The following AKT3 variants were observed in gnomAD, a reference collection of about 807,000 sequenced individuals.
AKT3 encodes AKT serine/threonine kinase 3, also known as RAC-gamma serine/threonine-protein kinase.
AKT3 carries 15 observed loss-of-function variants against 65.3 expected under a neutral mutation model. That is an observed-to-expected ratio of 0.23 (90% CI 0.15 to 0.35). AKT3 has a LOEUF of 0.35. Among genes scored for constraint, AKT3 ranks in the 10% least tolerant of loss-of-function variants. The pLI, the probability that AKT3 is intolerant of heterozygous loss-of-function variation, is 1.00. For synonymous variants in AKT3, 206 were observed against 183.8 expected, an observed-to-expected ratio of 1.12 and a Z score of -0.98; for missense variants, 243 against 576.5, an observed-to-expected ratio of 0.42 and a Z score of 5.92.
intron 12 of AKT3, among the ~76,000 whole-genome samples, chr1:243,530,361 T>C (rs1671443137): frequency 6.6e-6 from 1 of 152,140 alleles, no homozygotes; most frequent in African/African-American, 2.4e-5. Context: ...AAATCAATAC[T>C]AAGAAACTCT....
At chr1:243,844,989 A>G (rs1358242437) in intron 1 of AKT3, among the ~76,000 whole-genome samples, 1 of 152,308 alleles carries the variant, frequency 6.6e-6, no homozygotes, top group Admixed American at 6.5e-5. Context: ...TAAATTTTAG[A>G]TAACTAGAAA....
intron 12 of AKT3, among the ~76,000 whole-genome samples, chr1:243,520,362 G>A (rs1670646023): frequency 1.3e-5 from 2 of 152,216 alleles, no homozygotes; most frequent in South Asian, 4.1e-4. Flanking sequence ...ACTTTCGCCA[G>A]AAATATGAGA....
intron 2 of AKT3, among the ~76,000 whole-genome samples, chr1:243,828,692 G>A (rs1309530373): frequency 6.6e-6 from 1 of 152,098 alleles, no homozygotes; most frequent in Non-Finnish European, 1.5e-5. Flanking sequence ...TATAAAATGT[G>A]TGTTAATGGA....
In AKT3 at chr1:243,499,820, AAG is replaced by A. The variant is rs1370704204; in HGVS notation, c.*5427_*5428del. On this transcript the variant is annotated 3_prime_UTR_variant, in exon 14 of 14. Transcript: ENST00000673466. ...AACAGAGTGAAATAAATGATTTACA[AAG>A]AGATATTTACATTCATCTGGTTTAG... is the stretch of plus-strand genomic sequence containing the variant. 7 of 1,602,276 alleles carry A rather than the reference AAG, an allele frequency of 4.4e-6. No individual in the cohort carries two copies. The highest frequency in any genetic ancestry group is 4.5e-5 in the East Asian group (2 of 44,840).
upstream of AKT3, among the ~76,000 whole-genome samples, chr1:243,850,438 G>C (rs1343466779): frequency 6.6e-6 from 1 of 151,120 alleles, no homozygotes. Flanking sequence ...GCGGGGGCCG[G>C]GTCACGCCGG....
At chr1:243,758,603 T>C (rs928540657) in intron 2 of AKT3, among the ~76,000 whole-genome samples, 10 of 152,112 alleles carry the variant, frequency 6.6e-5, no homozygotes, top group African/African-American at 2.4e-4. Context: ...TCCATAGACC[T>C]TGGAAGAGGT....
intron 2 of AKT3, among the ~76,000 whole-genome samples, chr1:243,839,321 C>T (rs1342669421): frequency 6.6e-6 from 1 of 152,106 alleles, no homozygotes; most frequent in African/African-American, 2.4e-5. Context: ...CTAGAACATA[C>T]CTACAGGCTC....
intron 2 of AKT3, among the ~76,000 whole-genome samples, chr1:243,776,184 C>T (rs936684696): frequency 4.6e-5 from 7 of 152,138 alleles, no homozygotes; most frequent in Non-Finnish European, 4.4e-5. Context: ...AATTTTTCTC[C>T]ACTAGCCCAT....
chr1:243,711,569 T>C (rs1180854665), intron 2 of AKT3, among the ~76,000 whole-genome samples: 8 of 152,182 alleles, frequency 5.3e-5, no homozygotes, highest in Non-Finnish European at 1.2e-4. Flanking sequence ...TATTCTATGA[T>C]AGTCAGAGCA....
intron 2 of AKT3, among the ~76,000 whole-genome samples, chr1:243,730,969 C>T (rs2148144270): frequency 6.6e-6 from 1 of 152,282 alleles, no homozygotes. Flanking sequence ...GTGCTCTGAG[C>T]CTGGTTTGCC....
intron 8 of AKT3, among the ~76,000 whole-genome samples, chr1:243,581,105 C>T (rs1378926601): frequency 6.6e-6 from 1 of 152,152 alleles, no homozygotes; most frequent in Non-Finnish European, 1.5e-5. Flanking sequence ...GAGGAGGTTT[C>T]CCAGCTACAC....
At chr1:243,535,773 C>T (rs1444865387) in intron 12 of AKT3, among the ~76,000 whole-genome samples, 1 of 152,164 alleles carries the variant, frequency 6.6e-6, no homozygotes, top group Non-Finnish European at 1.5e-5. Flanking sequence ...GGTACATCTA[C>T]TAGTAGTTCT....
At chr1:243,599,958 T>G (rs1013495184) in intron 8 of AKT3, among the ~76,000 whole-genome samples, 2 of 152,026 alleles carry the variant, frequency 1.3e-5, no homozygotes, top group Non-Finnish European at 2.9e-5. Context: ...AAAACTAATA[T>G]TAGTATGGCT....
At chr1:243,549,966 C>T (rs1466577431) in intron 11 of AKT3, among the ~76,000 whole-genome samples, 1 of 152,218 alleles carries the variant, frequency 6.6e-6, no homozygotes, top group Non-Finnish European at 1.5e-5. Flanking sequence ...TCATATTCTA[C>T]ACTCTAGTCA....
At chr1:243,848,101 C>G (rs1312092574) in intron 1 of AKT3, among the ~76,000 whole-genome samples, 1 of 152,156 alleles carries the variant, frequency 6.6e-6, no homozygotes, top group Non-Finnish European at 1.5e-5. Flanking sequence ...CTACATTCAT[C>G]TAAATTTCAA....
rs74991710 is a variant in AKT3, at chr1:243,537,004, C to A, written c.1251+8506G>T. On this transcript the variant is annotated intron_variant, in intron 12 of 13. Transcript: ENST00000673466. Reference sequence around the variant, plus strand: ...AGTAGCTTACAATCATTAACCTCTGCGTAACTGCCATCAATCACCGAACTC... The same window carrying A: ...AGTAGCTTACAATCATTAACCTCTGAGTAACTGCCATCAATCACCGAACTC... Among the ~76,000 whole-genome samples the A allele has an allele frequency of 6.1e-3, 927 of 152,198 alleles. 11 individuals are homozygous for A. Among genetic ancestry groups the A allele is most frequent in the African/African-American group, 0.021 (856 of 41,522 alleles).
intron 2 of AKT3, among the ~76,000 whole-genome samples, chr1:243,746,264 T>A (rs1452931730): frequency 1.3e-5 from 2 of 152,346 alleles, no homozygotes; most frequent in East Asian, 3.9e-4. Context: ...TCTTTTTAGA[T>A]CTTTCTCAAT....
In AKT3 at chr1:243,500,793, A is replaced by C. The variant is rs769095830; in HGVS notation, c.*4456T>G. 1 of 229,138 alleles carries C rather than the reference A, an allele frequency of 4.4e-6. No individual in the cohort carries two copies. The highest frequency in any genetic ancestry group is 5.7e-5 in the Admixed American group (1 of 17,638). The allele number at this position is 229,138 out of a possible 1,614,324, so 14.2% of individuals were successfully genotyped here. On this transcript the variant is annotated 3_prime_UTR_variant, in exon 14 of 14. Coordinates refer to ENST00000673466, the MANE Select transcript of AKT3 (RefSeq NM_005465.7). ...TTGGAGGCGGTGGCATGATCTACAC[A>C]CAGAGACCATTTGAATCTCTTGAGC...
intron 12 of AKT3, among the ~76,000 whole-genome samples, chr1:243,542,561 AAAC>A (rs1672395482): frequency 6.6e-6 from 1 of 152,254 alleles, no homozygotes; most frequent in South Asian, 2.1e-4. Context: ...AAATTTATCA[AAAC>A]AATAAAAATG....
Sources: allele counts gnomAD v4.1 joint callset (sites outside exome capture counted in the v4.1 genomes callset), GRCh38; gene constraint gnomAD v4.1.1; transcripts MANE v1.5; gene names NCBI Gene and HGNC (gene_info 2026-07-23, HGNC 2026-07-21).